TRIM49C: variants seen among roughly 807,000 people sequenced by gnomAD.
TRIM49C encodes tripartite motif containing 49C.
TRIM49C carries 6 observed loss-of-function variants against 21.4 expected under a neutral mutation model. That is an observed-to-expected ratio of 0.28 (90% CI 0.15 to 0.55). The LOEUF (loss-of-function observed/expected upper bound fraction) is 0.55. Among genes scored for constraint, TRIM49C ranks in the 20% least tolerant of loss-of-function variants. TRIM49C has a pLI of 0.94. For synonymous variants in TRIM49C, 57 were observed against 148.1 expected, an observed-to-expected ratio of 0.38 and a Z score of 4.47; for missense variants, 161 against 442.4, an observed-to-expected ratio of 0.36 and a Z score of 5.71.
downstream of TRIM49C, among the ~76,000 whole-genome samples, chr11:90,045,991 G>C (rs1373050691): frequency 1.6e-5 from 2 of 121,278 alleles, no homozygotes; most frequent in African/African-American, 3.3e-5. Context: ...TAGCATGAAG[G>C]GCTGTTGAAT....
chr11:90,072,189 G>C, the TRIM49C span, among the ~76,000 whole-genome samples: 1 of 141,920 alleles, frequency 7.0e-6, no homozygotes, highest in African/African-American at 2.5e-5. Flanking sequence ...CATTTCAGGT[G>C]AAGTTTCATA....
chr11:90,046,244 T>C (rs1344520837), downstream of TRIM49C, among the ~76,000 whole-genome samples: 3 of 125,672 alleles, frequency 2.4e-5, 1 homozygote, highest in Non-Finnish European at 3.3e-5. Flanking sequence ...AATTCTCTTT[T>C]TTTGTTGTGT....
downstream of TRIM49C, among the ~76,000 whole-genome samples, chr11:90,046,429 G>A (rs1438906102): frequency 7.9e-6 from 1 of 126,324 alleles, no homozygotes; most frequent in Non-Finnish European, 1.6e-5. Context: ...TTGGTTTGTA[G>A]GCTCATAATT....
At chr11:90,048,686 T>G in the TRIM49C span, among the ~76,000 whole-genome samples, 1 of 130,944 alleles carries the variant, frequency 7.6e-6, no homozygotes, top group African/African-American at 3.0e-5. Flanking sequence ...TTTCAAGGTT[T>G]TTAGCTTCTT....
the TRIM49C span, among the ~76,000 whole-genome samples, chr11:90,054,505 T>C: frequency 1.5e-5 from 2 of 137,706 alleles, no homozygotes; most frequent in Non-Finnish European, 3.2e-5. Flanking sequence ...CTCCATTCAT[T>C]GCTATCTTTG....
the TRIM49C span, among the ~76,000 whole-genome samples, chr11:90,047,947 C>G: frequency 1.7e-5 from 2 of 120,342 alleles, 1 homozygote; most frequent in South Asian, 6.3e-4. Context: ...TTTAGGAGCT[C>G]TTGTAGGGCA....
At chr11:90,052,560 G>A in the TRIM49C span, 2 of 151,826 alleles carry the variant, frequency 1.3e-5, no homozygotes, top group Non-Finnish European at 1.4e-5. Context: ...TCGTGGAGCG[G>A]AGGCAGCTCA....
rs1208156255 is a variant in TRIM49C at position 90,041,273 on chromosome 11, A to G, written c.1082A>G (p.Tyr361Cys). ...TGGGCTTTTGGTGTCTGTAATATGT[A>G]TCGGAAGGAGAAGAATCAGAATGAG... ...WNWAFGVCNM[Y>C]RKEKNQNEKI... The change falls in exon 8 of 8, where the codon TAT becomes TGT. Residue 361 changes from tyrosine (Y) to cysteine (C), a missense_variant. Coordinates refer to ENST00000448984, the MANE Select transcript of TRIM49C (RefSeq NM_001195234.1). 7 of 1,582,868 alleles carry G rather than the reference A, an allele frequency of 4.4e-6. 2 individuals are homozygous for G. In the South Asian group the frequency reaches 4.6e-5, roughly 10 times the overall value.
At chr11:90,042,921 A>G (rs375676003), downstream of TRIM49C, among the ~76,000 whole-genome samples, 30 of 116,110 alleles carry the variant, frequency 2.6e-4, 5 homozygotes, top group East Asian at 6.6e-3. Flanking sequence ...ACAATAAATA[A>G]CTCACTGAAT....
downstream of TRIM49C, among the ~76,000 whole-genome samples, chr11:90,043,247 A>G (rs1950781719): frequency 7.0e-6 from 1 of 142,388 alleles, no homozygotes; most frequent in Admixed American, 7.3e-5. Context: ...CAACACAGTG[A>G]GACCTCATGT....
In TRIM49C at chr11:90,031,713, C is replaced by A. The variant is rs868188681; in HGVS notation, c.-191+469C>A. 2.4e-4 allele frequency among the ~76,000 whole-genome samples: 36 copies of A among 150,840 alleles called. No homozygotes were observed. In the South Asian group the frequency reaches 7.2e-3, roughly 30 times the overall value. On this transcript the variant is annotated intron_variant, in intron 1 of 7. Transcript: ENST00000448984. ...AGTTTTGTAAATTCAATGAGAGACC[C>A]CAGGTTAGTGGGTTTATTTGGTTAA...
the TRIM49C span, chr11:90,071,763 G>T: frequency 1.7e-6 from 2 of 1,178,476 alleles, no homozygotes; most frequent in Non-Finnish European, 2.4e-6. Flanking sequence ...GCCCATCACA[G>T]GACCGGTGGA....
At chr11:90,071,054 C>T in the TRIM49C span, 2 of 471,430 alleles carry the variant, frequency 4.2e-6, no homozygotes, top group Admixed American at 5.9e-5. Flanking sequence ...CCTTGGCCTC[C>T]CAAAGTGGTG....
chr11:90,062,465 T>A, the TRIM49C span: 1 of 1,101,698 alleles, frequency 9.1e-7, no homozygotes, highest in Non-Finnish European at 1.2e-6. Flanking sequence ...CATTCATGTG[T>A]TATGATTGAC....
chr11:90,053,241 G>C, the TRIM49C span: 40 of 143,692 alleles, frequency 2.8e-4, no homozygotes, highest in African/African-American at 9.1e-4. Flanking sequence ...CTGAGAGCCA[G>C]TGTCTAAGGC....
At chr11:90,039,015 G>A (rs1362733178) in intron 6 of TRIM49C, among the ~76,000 whole-genome samples, 2 of 137,692 alleles carry the variant, frequency 1.5e-5, no homozygotes, top group African/African-American at 5.2e-5. Flanking sequence ...CGCCTCCCGG[G>A]TTCACACCAT....
At chr11:90,043,001 TAAGAA>T (rs1950779919), downstream of TRIM49C, among the ~76,000 whole-genome samples, 2 of 119,896 alleles carry the variant, frequency 1.7e-5, 1 homozygote. Flanking sequence ...AAATTGAAGT[TAAGAA>T]AAGACTTTTC....
the TRIM49C span, among the ~76,000 whole-genome samples, chr11:90,049,046 G>C: frequency 3.1e-5 from 4 of 127,012 alleles, 1 homozygote; most frequent in Admixed American, 8.8e-5. Flanking sequence ...GACGCTGTTT[G>C]CCTGGGTATC....
chr11:90,034,478 C>T (rs1183857366), intron 2 of TRIM49C, among the ~76,000 whole-genome samples: 9 of 120,592 alleles, frequency 7.5e-5, no homozygotes, highest in Non-Finnish European at 1.5e-4. Context: ...TTGCACAGCC[C>T]TAGGGGAAGT....
Sources: allele counts gnomAD v4.1 joint callset (sites outside exome capture counted in the v4.1 genomes callset), GRCh38; gene constraint gnomAD v4.1.1; transcripts MANE v1.5; gene names NCBI Gene and HGNC (gene_info 2026-07-23, HGNC 2026-07-21).